CCNE1: variants seen among roughly 807,000 people sequenced by gnomAD.
The protein encoded by CCNE1 is G1/S-specific cyclin-E1.
Under a neutral mutation model 54.1 loss-of-function variants are expected in CCNE1, and 8 were observed. The ratio of observed to expected loss-of-function variants is 0.15; its 90% confidence interval spans 0.09 to 0.27. The LOEUF (loss-of-function observed/expected upper bound fraction) is 0.27, where lower values mean the gene tolerates loss of function less well. Among genes scored for constraint, CCNE1 ranks in the 10% least tolerant of loss-of-function variants. The pLI, the probability that CCNE1 is intolerant of heterozygous loss-of-function variation, is 1.00. For missense variants in CCNE1, 430 were observed against 514.9 expected (o/e 0.84, Z 1.60); for synonymous variants, 179 against 185.2 (o/e 0.97, Z 0.27).
At position 29,814,459 on chromosome 19, in the gene CCNE1, T is replaced by C. The variant is rs867618667; in HGVS notation, c.180+1422T>C. Among the ~76,000 whole-genome samples, 4 of 151,958 alleles carry C rather than the reference T, an allele frequency of 2.6e-5. No homozygotes were observed. In the East Asian group the frequency reaches 7.7e-4, roughly 29 times the overall value. Reference sequence around the variant, plus strand: ...GTCCCCTGGCCACAGTGTGGATAGCTGTGCTGCCGGAATAGCCATACCATT... The same window carrying C: ...GTCCCCTGGCCACAGTGTGGATAGCCGTGCTGCCGGAATAGCCATACCATT... On this transcript the variant is annotated intron_variant, in intron 4 of 11. Transcript: ENST00000262643.
At position 29,822,451 on chromosome 19, in the gene CCNE1, CAGT is replaced by C; in HGVS notation, c.959_961del (p.Gln320_Trp321delinsArg). ...CCACGATGTCTTCACTGCAGGGTAT[CAGT>C]GGTGCGACATAGAGAACTGTGTCAA... is the stretch of plus-strand genomic sequence containing the variant. On this transcript the variant is annotated inframe_deletion, in exon 11 of 12. Transcript: ENST00000262643. The C allele has an allele frequency of 6.2e-7, 1 of 1,613,996 alleles. No individual in the cohort carries two copies. The highest frequency in any genetic ancestry group is 8.5e-7 in the Non-Finnish European group (1 of 1,179,910).
chr19:29,812,436 C>T (rs1250716060), intron 1 of CCNE1, 96 bp from the exon 2 acceptor site: 2 of 881,200 alleles, frequency 2.3e-6, no homozygotes, highest in Non-Finnish European at 2.9e-6. Flanking sequence ...CATCGGCCAT[C>T]TTCCTGGCTC....
In CCNE1 at chr19:29,822,568, A is replaced by G. The variant is rs1208809143; in HGVS notation, c.1075A>G (p.Asn359Asp). The G allele has an allele frequency of 1.9e-6, 3 of 1,614,010 alleles. No homozygotes were observed. The highest frequency in any genetic ancestry group is 3.3e-5 in the Admixed American group (2 of 59,978). ...GGGCGTCGCTGATGAAGATGCACACAACATACAGACCCACAGAGACAGCTT... is the reference window on the plus strand; with the variant it reads ...GGGCGTCGCTGATGAAGATGCACACGACATACAGACCCACAGAGACAGCTT... ...FRGVADEDAH[N>D]IQTHRDSLDL... Residue 359 changes from asparagine (N) to aspartate (D), a missense_variant, in exon 11 of 12, where the codon AAC becomes GAC. Physicochemically the swap from Asn to Asp is conservative, Grantham distance 23 (BLOSUM62 1). Transcript: ENST00000262643.
intron 4 of CCNE1, among the ~76,000 whole-genome samples, chr19:29,814,316 C>T (rs1451313052): frequency 6.6e-6 from 1 of 152,118 alleles, no homozygotes; most frequent in Non-Finnish European, 1.5e-5. Context: ...AAAGAAACTT[C>T]CAGCTGAAGA....
chr19:29,817,045 T>TA, intron 4 of CCNE1, 92 bp from the exon 5 acceptor site: 1 of 1,301,994 alleles, frequency 7.7e-7, no homozygotes, highest in Non-Finnish European at 1.1e-6. Context: ...CCTAGTATCT[T>TA]ACTGAGTTGC....
At chr19:29,822,998 A>C (rs1329397998) in intron 11 of CCNE1, among the ~76,000 whole-genome samples, 1 of 152,056 alleles carries the variant, frequency 6.6e-6, no homozygotes, top group Admixed American at 6.6e-5. Flanking sequence ...GCAGGCCCCA[A>C]ATATCCTTGA....
Position 29,817,514 on chromosome 19 carries a change from A to G in CCNE1, c.435A>G (p.Arg145=). Reference sequence around the variant, plus strand: ...ACCCTCTTCTGCAGCCAAAAATGCGAGCAATTCTTCTGGATTGGTTAATGG... The same window carrying G: ...ACCCTCTTCTGCAGCCAAAAATGCGGGCAATTCTTCTGGATTGGTTAATGG... ...EQHPLLQPKM[R]AILLDWLMEV... is the part of the protein sequence containing the mutation. Residue 145 remains arginine, a synonymous_variant, in exon 6 of 12, where the codon CGA becomes CGG. Coordinates refer to ENST00000262643, the MANE Select transcript of CCNE1 (RefSeq NM_001238.4). The G allele has an allele frequency of 1.9e-6, 3 of 1,614,172 alleles. No homozygotes were observed. Among genetic ancestry groups the G allele is most frequent in the Non-Finnish European group, 2.5e-6 (3 of 1,180,034 alleles).
At chr19:29,815,624 T>C (rs1973995926) in intron 4 of CCNE1, among the ~76,000 whole-genome samples, 1 of 21,780 alleles carries the variant, frequency 4.6e-5, no homozygotes, top group African/African-American at 1.9e-4. Context: ...GGTCTCTGCT[T>C]TTTTTTTTTT....
At position 29,813,017 on chromosome 19, in the gene CCNE1, A is replaced by G. The variant is rs35886256; in HGVS notation, c.160A>G (p.Arg54Gly). The G allele has an allele frequency of 7.1e-5, 114 of 1,614,026 alleles. No homozygotes were observed. Among genetic ancestry groups the G allele is most frequent in the Non-Finnish European group, 1.8e-5 (21 of 1,180,020 alleles). The change falls in exon 4 of 12, where the codon AGG (arginine) becomes GGG (glycine). Residue 54 changes from arginine to glycine, a missense_variant. Physicochemically the swap from Arg to Gly is moderately radical, Grantham distance 125. This residue lies in a region of CCNE1 where 127 missense variants were observed against 113.8 expected (regional missense o/e 1.12). Coordinates refer to ENST00000262643, the MANE Select transcript of CCNE1 (RefSeq NM_001238.4). ...EEMAKIDRTA[R>G]DQCGSQPWDN... ...AATGGCCAAAATCGACAGGACGGCG[A>G]GGGACCAGTGTGGGAGCCAGGTAGG...
intron 4 of CCNE1, among the ~76,000 whole-genome samples, chr19:29,813,500 T>C (rs1315045217): frequency 6.6e-6 from 1 of 152,194 alleles, no homozygotes; most frequent in Admixed American, 6.5e-5. Context: ...TTTCTTGTCA[T>C]GGTGTTTAAG....
chr19:29,821,258 G>A (rs916316325), intron 7 of CCNE1, among the ~76,000 whole-genome samples: 17 of 152,096 alleles, frequency 1.1e-4, no homozygotes, highest in East Asian at 7.7e-4. Flanking sequence ...GTGGTGGCAC[G>A]TGCCTGTAAT....
chr19:29,819,699 A>G (rs1433362462), intron 6 of CCNE1, among the ~76,000 whole-genome samples: 1 of 152,252 alleles, frequency 6.6e-6, no homozygotes, highest in African/African-American at 2.4e-5. Context: ...TATTGGTTGT[A>G]TATCTTACTG....
At position 29,822,117 on chromosome 19, in the gene CCNE1, T is replaced by C. The variant is rs1295061842; in HGVS notation, c.827T>C (p.Ile276Thr). The change falls in exon 9 of 12, where the codon ATA (isoleucine) becomes ACA (threonine). Residue 276 changes from isoleucine to threonine, a missense_variant. Transcript: ENST00000262643. ...CCGCAGTATCCCCAGCAAATCTTTA[T>C]ACAGATTGCAGAGGTAAGTGGCTCC... is the stretch of plus-strand genomic sequence containing the variant. ...LLPQYPQQIF[I>T]QIAELLDLCV... 2.5e-6 allele frequency: 4 copies of C among 1,613,742 alleles called. No individual in the cohort carries two copies. Among genetic ancestry groups the C allele is most frequent in the Non-Finnish European group, 1.7e-6 (2 of 1,179,934 alleles).
chr19:29,823,723 C>T lies in CCNE1; in HGVS notation c.1179C>T (p.Leu393=). 8 of 1,614,162 alleles carry T rather than the reference C, an allele frequency of 5.0e-6. No homozygotes were observed. The highest frequency in any genetic ancestry group is 6.8e-6 in the Non-Finnish European group (8 of 1,180,002). ...GGGCTTCTCCTCTCCCCAGTGGGCT[C>T]CTCACCCCGCCACAGAGCGGTAAGA... is the stretch of plus-strand genomic sequence containing the variant. ...QNRASPLPSG[L]LTPPQSGKKQ... The change falls in exon 12 of 12, where the codon CTC becomes CTT. Residue 393 remains leucine, a synonymous_variant. Transcript: ENST00000262643.
chr19:29,814,259 T>C (rs1279894113), intron 4 of CCNE1, among the ~76,000 whole-genome samples: 1 of 152,208 alleles, frequency 6.6e-6, no homozygotes, highest in African/African-American at 2.4e-5. Flanking sequence ...AATTCTGACT[T>C]TGTGAAATTC....
intron 6 of CCNE1, among the ~76,000 whole-genome samples, chr19:29,818,865 C>T (rs758232003): frequency 2.0e-4 from 31 of 151,862 alleles, no homozygotes; most frequent in Admixed American, 7.2e-4. Flanking sequence ...CGGGTTCAAG[C>T]GATTTTCTTG....
intron 4 of CCNE1, among the ~76,000 whole-genome samples, chr19:29,814,280 A>T (rs1302858593): frequency 6.6e-6 from 1 of 151,872 alleles, no homozygotes; most frequent in Non-Finnish European, 1.5e-5. Flanking sequence ...AGGACTGTTT[A>T]TTTTCCCAGC....
chr19:29,816,513 CCAT>C lies in CCNE1; in HGVS notation c.181-621_181-619del, dbSNP rs533996784. 2.7e-3 allele frequency among the ~76,000 whole-genome samples: 414 copies of C among 152,232 alleles called. 1 individual carries two copies. Among genetic ancestry groups the C allele is most frequent in the African/African-American group, 9.6e-3 (398 of 41,540 alleles). ...GTAGACTTCATAGTATGACCTGTGA[CCAT>C]CACTTGATTTGGTTTTAACTAGGTG... is the stretch of plus-strand genomic sequence containing the variant. On this transcript the variant is annotated intron_variant, in intron 4 of 11. Coordinates refer to ENST00000262643, the MANE Select transcript of CCNE1 (RefSeq NM_001238.4).
At chr19:29,815,689 C>T (rs1049348388) in intron 4 of CCNE1, among the ~76,000 whole-genome samples, 1 of 144,008 alleles carries the variant, frequency 6.9e-6, no homozygotes, top group African/African-American at 2.6e-5. Flanking sequence ...AGAGCAATGG[C>T]GCGAGCTCGG....
Sources: allele counts gnomAD v4.1 joint callset (sites outside exome capture counted in the v4.1 genomes callset), GRCh38; gene constraint gnomAD v4.1.1; regional missense constraint gnomAD v4.1.1; transcripts MANE v1.5; gene names NCBI Gene and HGNC (gene_info 2026-07-23, HGNC 2026-07-21).